Variants in PECAM1 observed in about 807,000 individuals in gnomAD.
PECAM1 encodes the protein platelet endothelial cell adhesion molecule.
PECAM1 carries 8 observed loss-of-function variants against 13.8 expected under a neutral mutation model. The observed-to-expected ratio is 0.58, with a 90% CI of 0.34 to 1.05. The LOEUF is 1.05. Among genes scored for constraint, PECAM1 ranks in the 50% least tolerant of loss-of-function variants. PECAM1 has a pLI of 0.03. For synonymous variants in PECAM1, 136 were observed against 52.6 expected (o/e 2.58, Z -6.86); for missense variants, 304 against 141.2 (o/e 2.15, Z -5.84).
At chr17:64,355,579 C>T (rs1388933042) in intron 8 of PECAM1, among the ~76,000 whole-genome samples, 1 of 152,192 alleles carries the variant, frequency 6.6e-6, no homozygotes, top group East Asian at 1.9e-4. Flanking sequence ...CATGTCTCAG[C>T]CTCCCGAGTA....
rs2036197810 is a variant in PECAM1 at position 64,369,734 on chromosome 17, G to A, written c.967+16C>T. The A allele has an allele frequency of 2.5e-6, 1 of 398,620 alleles. No homozygotes were observed. The highest frequency in any genetic ancestry group is 4.4e-6 in the Non-Finnish European group (1 of 226,096). 24.7% of individuals were successfully genotyped at this position (398,620 alleles called of 1,614,324 possible). ...GCCCGCCATATGCCAACACCCTCCC[G>A]CAGCAGCAGCCCTACCTGTTATGTT... On this transcript the variant is annotated intron_variant, in intron 5 of 15. Transcript: ENST00000563924.
chr17:64,329,532 G>A (rs547300679), intron 15 of PECAM1, among the ~76,000 whole-genome samples, 168 bp downstream of exon 15: 111 of 152,268 alleles, frequency 7.3e-4, no homozygotes, highest in Non-Finnish European at 1.2e-3. Flanking sequence ...GAGAATATTC[G>A]AAATCAGAAC....
At chr17:64,339,407 C>T (rs2035369396) in intron 14 of PECAM1, among the ~76,000 whole-genome samples, 1 of 151,978 alleles carries the variant, frequency 6.6e-6, no homozygotes, top group Non-Finnish European at 1.5e-5. Flanking sequence ...TGTACTTAGA[C>T]CACTTAGCAC....
intron 8 of PECAM1, 85 bp downstream of exon 8, chr17:64,356,026 C>CA: frequency 2.1e-6 from 1 of 472,996 alleles, no homozygotes; most frequent in Non-Finnish European, 3.9e-6. Context: ...TAGACTCCCC[C>CA]CCAACTCCCT....
Position 64,375,073 on chromosome 17 carries a change from C to G in PECAM1, c.669G>C (p.Lys223Asn), listed in dbSNP as rs1438261417. The stretch of plus-strand genomic sequence containing the variant: ...GACCCGTCACGGTGACCAGTTCACT[C>G]TTGGTAGATTCTGAGGTCTGCATAT... ...GIHMQTSEST[K>N]SELVTVTESF... The change falls in exon 4 of 16, where the codon AAG becomes AAC. Residue 223 changes from lysine to asparagine, a missense_variant. Transcript: ENST00000563924. 4 of 475,242 alleles carry G rather than the reference C, an allele frequency of 8.4e-6. No homozygotes were observed. Among genetic ancestry groups the G allele is most frequent in the Middle Eastern group, 5.9e-4 (1 of 1,682 alleles). 29.4% of individuals were successfully genotyped at this position (475,242 alleles called of 1,614,324 possible).
intron 13 of PECAM1, among the ~76,000 whole-genome samples, chr17:64,342,161 A>AAAGAAG (rs60163225): frequency 2.8e-5 from 4 of 145,164 alleles, no homozygotes; most frequent in Admixed American, 6.9e-5. Context: ...AAAAAAAAAA[A>AAAGAAG]AAGAAGAAGA....
In PECAM1 at chr17:64,321,448, G is replaced by A. The variant is rs1216499882; in HGVS notation, c.*2368C>T. 1 of 986,870 alleles carries A rather than the reference G, an allele frequency of 1.0e-6. No individual in the cohort carries two copies. Among genetic ancestry groups the A allele is most frequent in the Non-Finnish European group, 1.2e-6 (1 of 830,790 alleles). 61.1% of individuals were successfully genotyped at this position (986,870 alleles called of 1,614,324 possible). A position where few individuals can be genotyped will look rare whatever the true frequency, so the allele number is the denominator to read the frequency against. ...CTCGGAAATATAGGCAGAAGGGAAA[G>A]TAATTTTAAACTCATGTGTGCTCCA... On this transcript the variant is annotated 3_prime_UTR_variant, in exon 16 of 16. Transcript: ENST00000563924.
chr17:64,334,524 T>C (rs1293880362), intron 14 of PECAM1, among the ~76,000 whole-genome samples: 4 of 152,038 alleles, frequency 2.6e-5, no homozygotes, highest in African/African-American at 9.7e-5. Context: ...AATTTTTTTT[T>C]TTGAGATGGA....
rs75251469 is a variant in PECAM1 at position 64,329,835 on chromosome 17, C to T, written c.2165-113G>A. ...GAGAAAAGAGGGAGGAGGCGAGAGC[C>T]AGGAGACATCAGCCGGCAGGTGCCC... On this transcript the variant is annotated intron_variant, in intron 14 of 15. Coordinates refer to ENST00000563924, the MANE Select transcript of PECAM1 (RefSeq NM_000442.5). 3.6e-3 allele frequency: 2,563 copies of T among 713,002 alleles called. 44 individuals are homozygous for T. The African/African-American group carries it at 0.039, about 11-fold the overall frequency. 44.2% of individuals were successfully genotyped at this position (713,002 alleles called of 1,614,324 possible). A position where few individuals can be genotyped will look rare whatever the true frequency, so the allele number is the denominator to read the frequency against.
intron 14 of PECAM1, among the ~76,000 whole-genome samples, chr17:64,341,093 T>C (rs2035416626): frequency 1.1e-5 from 1 of 93,854 alleles, no homozygotes; most frequent in African/African-American, 6.3e-5. Context: ...CGAAACTCTG[T>C]CTCAAAAAAA....
chr17:64,388,118 C>T (rs2036638195), intron 2 of PECAM1, among the ~76,000 whole-genome samples: 1 of 152,128 alleles, frequency 6.6e-6, no homozygotes, highest in Non-Finnish European at 1.5e-5. Flanking sequence ...AACGTCTTCC[C>T]TGAAGGTACA....
intron 4 of PECAM1, among the ~76,000 whole-genome samples, chr17:64,372,326 T>C (rs1395070327): frequency 6.6e-6 from 1 of 152,106 alleles, no homozygotes; most frequent in Non-Finnish European, 1.5e-5. Flanking sequence ...CTGATGAAAA[T>C]GTTCAACCAT....
chr17:64,365,336 T>C (rs2036078936), intron 5 of PECAM1, among the ~76,000 whole-genome samples: 3 of 152,072 alleles, frequency 2.0e-5, no homozygotes, highest in East Asian at 1.9e-4. Flanking sequence ...TACAAACAAA[T>C]GGAAGAACAT....
At chr17:64,337,659 G>GT (rs5821436) in intron 14 of PECAM1, among the ~76,000 whole-genome samples, 46,338 of 151,780 alleles carry the variant, frequency 0.31, 7,140 homozygotes, top group African/African-American at 0.35. Context: ...ACAAGAGTGG[G>GT]TTCTACGATG....
intron 11 of PECAM1, among the ~76,000 whole-genome samples, chr17:64,351,935 G>A (rs1397773591): frequency 6.6e-6 from 1 of 152,168 alleles, no homozygotes; most frequent in Non-Finnish European, 1.5e-5. Context: ...TTCTTAGTTG[G>A]AACACTTTAT....
Sources: allele counts gnomAD v4.1 joint callset (sites outside exome capture counted in the v4.1 genomes callset), GRCh38; gene constraint gnomAD v4.1.1; transcripts MANE v1.5; gene names NCBI Gene and HGNC (gene_info 2026-07-23, HGNC 2026-07-21).